C1orf21: variants seen among roughly 807,000 people sequenced by gnomAD.
C1orf21 encodes chromosome 1 open reading frame 21, also known as uncharacterized protein C1orf21.
Under a neutral mutation model 18.7 loss-of-function variants are expected in C1orf21, and 3 were observed. That is an observed-to-expected ratio of 0.16 (90% CI 0.07 to 0.42). C1orf21 has a LOEUF of 0.42. Ranked by LOEUF, C1orf21 falls within the 10% of genes least tolerant of loss-of-function variation. C1orf21 has a pLI of 0.99. For missense variants in C1orf21, 104 were observed against 143.6 expected (o/e 0.72, Z 1.41); for synonymous variants, 41 against 46.4 (o/e 0.88, Z 0.47).
At chr1:184,412,456 T>G (rs540152483) in intron 1 of C1orf21, 4 of 152,362 alleles carry the variant, frequency 2.6e-5, no homozygotes, top group Admixed American at 2.0e-4. Flanking sequence ...AAATGGTGTA[T>G]GGATCAAACA....
intron 1 of C1orf21, among the ~76,000 whole-genome samples, chr1:184,452,223 G>A (rs955911091): frequency 3.3e-5 from 5 of 152,210 alleles, no homozygotes; most frequent in Admixed American, 3.3e-4. Flanking sequence ...TGGCAGGAGA[G>A]CAATGAAAGA....
intron 3 of C1orf21, chr1:184,568,427 T>C (rs1317553918): frequency 2.1e-6 from 1 of 470,654 alleles, no homozygotes; most frequent in Non-Finnish European, 4.4e-6. Context: ...ACTTTCTGTC[T>C]CCATGAATTT....
intron 5 of C1orf21, among the ~76,000 whole-genome samples, chr1:184,604,132 T>C (rs1659620675): frequency 6.6e-6 from 1 of 152,238 alleles, no homozygotes; most frequent in African/African-American, 2.4e-5. Context: ...ACGATTTCTG[T>C]AGTCTATTAA....
chr1:184,466,756 C>T (rs1657404471), intron 1 of C1orf21, among the ~76,000 whole-genome samples: 1 of 150,942 alleles, frequency 6.6e-6, no homozygotes, highest in East Asian at 1.9e-4. Flanking sequence ...TTCAGATGGG[C>T]AAGATTAGAG....
intron 3 of C1orf21, among the ~76,000 whole-genome samples, chr1:184,572,700 T>C (rs2101990665): frequency 6.6e-6 from 1 of 152,300 alleles, no homozygotes; most frequent in South Asian, 2.1e-4. Context: ...ACGCCTGTAA[T>C]CCCAGCACTT....
chr1:184,557,335 T>C (rs1459300536), intron 3 of C1orf21, among the ~76,000 whole-genome samples: 2 of 152,162 alleles, frequency 1.3e-5, no homozygotes, highest in Non-Finnish European at 2.9e-5. Context: ...TTCTGAGATT[T>C]TGGTGCACCC....
At chr1:184,578,391 A>G (rs1489122624) in intron 3 of C1orf21, among the ~76,000 whole-genome samples, 1 of 152,218 alleles carries the variant, frequency 6.6e-6, no homozygotes, top group African/African-American at 2.4e-5. Context: ...GTCTCATTTG[A>G]TAATCAGAGA....
At chr1:184,494,289 T>C (rs374339939) in intron 2 of C1orf21, among the ~76,000 whole-genome samples, 2 of 152,062 alleles carry the variant, frequency 1.3e-5, no homozygotes, top group African/African-American at 4.8e-5. Flanking sequence ...CTTGTGCCAG[T>C]AGGGTGATGG....
intron 1 of C1orf21, among the ~76,000 whole-genome samples, chr1:184,446,933 A>G (rs900269290): frequency 6.7e-6 from 1 of 148,674 alleles, no homozygotes; most frequent in Non-Finnish European, 1.5e-5. Context: ...CATCGTGGGT[A>G]TAAGAGACTG....
intron 3 of C1orf21, among the ~76,000 whole-genome samples, chr1:184,546,566 A>G (rs1658730899): frequency 6.6e-6 from 1 of 152,204 alleles, no homozygotes; most frequent in African/African-American, 2.4e-5. Context: ...AAACTCTGAT[A>G]CCACTTAATT....
intron 2 of C1orf21, among the ~76,000 whole-genome samples, chr1:184,505,971 A>G (rs1409986284): frequency 6.6e-6 from 1 of 152,060 alleles, no homozygotes; most frequent in East Asian, 1.9e-4. Flanking sequence ...AATTCTCAGT[A>G]AATAATCCTT....
chr1:184,425,071 A>C (rs1656611741), intron 1 of C1orf21, among the ~76,000 whole-genome samples: 1 of 152,042 alleles, frequency 6.6e-6, no homozygotes, highest in Admixed American at 6.6e-5. Context: ...TCTAATTAAT[A>C]GTGGAATAAG....
At chr1:184,467,510 C>T (rs1657420654) in intron 1 of C1orf21, among the ~76,000 whole-genome samples, 1 of 152,186 alleles carries the variant, frequency 6.6e-6, no homozygotes. Flanking sequence ...TGGCACTGCT[C>T]AGGGCTGCCT....
intron 1 of C1orf21, among the ~76,000 whole-genome samples, chr1:184,401,726 A>T (rs1359994108): frequency 6.6e-6 from 1 of 151,912 alleles, no homozygotes; most frequent in Non-Finnish European, 1.5e-5. Flanking sequence ...TTATAGAGCA[A>T]GACATATGTA....
At chr1:184,526,786 T>C (rs915717055) in intron 3 of C1orf21, among the ~76,000 whole-genome samples, 2 of 152,062 alleles carry the variant, frequency 1.3e-5, no homozygotes, top group Admixed American at 6.6e-5. Context: ...AAAGAAAAGG[T>C]CTCAACCCCC....
intron 1 of C1orf21, among the ~76,000 whole-genome samples, chr1:184,445,370 C>G (rs950217438): frequency 6.6e-6 from 1 of 151,890 alleles, no homozygotes; most frequent in African/African-American, 2.4e-5. Flanking sequence ...CTCTCTCTCT[C>G]TCTCGCAAGG....
intron 3 of C1orf21, among the ~76,000 whole-genome samples, chr1:184,561,769 C>G (rs375042292): frequency 2.0e-5 from 3 of 152,072 alleles, no homozygotes; most frequent in South Asian, 2.1e-4. Flanking sequence ...AGGCGCCCAC[C>G]ACCATGCCTG....
chr1:184,446,003 A>G (rs1657024289), intron 1 of C1orf21, among the ~76,000 whole-genome samples: 2 of 152,234 alleles, frequency 1.3e-5, no homozygotes, highest in South Asian at 2.1e-4. Flanking sequence ...AGAGACTTCT[A>G]TGAATTTTCT....
intron 4 of C1orf21, among the ~76,000 whole-genome samples, chr1:184,594,961 A>C (rs1396704815): frequency 6.6e-6 from 1 of 152,098 alleles, no homozygotes; most frequent in African/African-American, 2.4e-5. Flanking sequence ...TAATTTGTTT[A>C]CTTTGCATTA....
Sources: allele counts gnomAD v4.1 joint callset (sites outside exome capture counted in the v4.1 genomes callset), GRCh38; gene constraint gnomAD v4.1.1; transcripts MANE v1.5; gene names NCBI Gene and HGNC (gene_info 2026-07-23, HGNC 2026-07-21).